Variants in UNC13C observed in about 807,000 individuals in gnomAD.
UNC13C encodes the protein protein unc-13 homolog C.
UNC13C carries 174 observed loss-of-function variants against 245.4 expected under a neutral mutation model. The ratio of observed to expected loss-of-function variants is 0.71; its 90% CI spans 0.63 to 0.80. The LOEUF is 0.80. UNC13C is among the 30% of genes least tolerant of loss of function. The pLI is 0.00. For synonymous variants in UNC13C, 992 were observed against 895.1 expected (o/e 1.11, Z -1.93); for missense variants, 2,829 against 2,602.9 (o/e 1.09, Z -1.89).
At chr15:53,886,165 ACCTTAGT>A in the UNC13C span, among the ~76,000 whole-genome samples, 1 of 152,192 alleles carries the variant, frequency 6.6e-6, no homozygotes, top group Non-Finnish European at 1.5e-5. Context: ...AAGAAATGAC[ACCTTAGT>A]ACCAACAAGC....
At chr15:54,376,950 C>G (rs902053393) in intron 17 of UNC13C, among the ~76,000 whole-genome samples, 8 of 152,114 alleles carry the variant, frequency 5.3e-5, no homozygotes, top group African/African-American at 1.7e-4. Context: ...AGAATAGGCC[C>G]TAGATCCAAT....
At chr15:54,396,456 G>C (rs144287454) in intron 18 of UNC13C, among the ~76,000 whole-genome samples, 2 of 151,420 alleles carry the variant, frequency 1.3e-5, no homozygotes, top group Non-Finnish European at 1.5e-5. Flanking sequence ...CCATGTTATT[G>C]TATGTTTCTT....
chr15:54,018,022 C>T (rs1332282445), intron 2 of UNC13C, among the ~76,000 whole-genome samples: 2 of 152,144 alleles, frequency 1.3e-5, no homozygotes, highest in Admixed American at 1.3e-4. Flanking sequence ...ACCCAGGAAG[C>T]TGCGGTAGCC....
At chr15:53,932,099 A>T in the UNC13C span, among the ~76,000 whole-genome samples, 1 of 152,128 alleles carries the variant, frequency 6.6e-6, no homozygotes, top group Non-Finnish European at 1.5e-5. Flanking sequence ...TCATAAAGTC[A>T]AGAGATTGAG....
At chr15:54,233,624 G>T (rs2035610662) in intron 4 of UNC13C, among the ~76,000 whole-genome samples, 1 of 152,118 alleles carries the variant, frequency 6.6e-6, no homozygotes, top group South Asian at 2.1e-4. Flanking sequence ...CATGTTAGTA[G>T]TAGTGGATAA....
intron 17 of UNC13C, among the ~76,000 whole-genome samples, chr15:54,381,758 A>T (rs2039729387): frequency 6.6e-6 from 1 of 152,166 alleles, no homozygotes; most frequent in African/African-American, 2.4e-5. Flanking sequence ...ATATCTAAAA[A>T]ATCTAAAAAT....
chr15:53,929,128 A>C, the UNC13C span, among the ~76,000 whole-genome samples: 3 of 152,216 alleles, frequency 2.0e-5, no homozygotes, highest in African/African-American at 7.2e-5. Context: ...GCAGAAGGCA[A>C]AGGAAAGCGA....
chr15:54,406,987 T>C (rs1431812330), intron 18 of UNC13C, among the ~76,000 whole-genome samples: 1 of 152,090 alleles, frequency 6.6e-6, no homozygotes, highest in Non-Finnish European at 1.5e-5. Context: ...TAGGGGTAGC[T>C]AGATTATTCA....
At chr15:53,938,155 C>G in the UNC13C span, among the ~76,000 whole-genome samples, 1 of 151,476 alleles carries the variant, frequency 6.6e-6, no homozygotes, top group Non-Finnish European at 1.5e-5. Flanking sequence ...TGTGCAAAGA[C>G]ACACATAATA....
At chr15:54,132,203 T>G (rs1386412958) in intron 2 of UNC13C, among the ~76,000 whole-genome samples, 1 of 151,814 alleles carries the variant, frequency 6.6e-6, no homozygotes, top group African/African-American at 2.4e-5. Context: ...CCTGAGTAGC[T>G]GGGACTACAG....
At chr15:54,153,789 C>G (rs2032626959) in intron 4 of UNC13C, among the ~76,000 whole-genome samples, 1 of 151,710 alleles carries the variant, frequency 6.6e-6, no homozygotes, top group Non-Finnish European at 1.5e-5. Context: ...AAAAATATGG[C>G]CTAGATAAAC....
chr15:54,501,739 A>G (rs1251964172), intron 22 of UNC13C, among the ~76,000 whole-genome samples: 2 of 152,144 alleles, frequency 1.3e-5, no homozygotes, highest in African/African-American at 4.8e-5. Flanking sequence ...TGAGAGCCGA[A>G]ATAGACAGAG....
the UNC13C span, among the ~76,000 whole-genome samples, chr15:53,896,545 A>T: frequency 1.3e-5 from 2 of 152,058 alleles, no homozygotes; most frequent in Non-Finnish European, 2.9e-5. Flanking sequence ...AATACATGGG[A>T]TGGTGAAGTG....
intron 4 of UNC13C, among the ~76,000 whole-genome samples, chr15:54,152,738 C>T (rs1490477883): frequency 6.6e-6 from 1 of 151,976 alleles, no homozygotes; most frequent in Non-Finnish European, 1.5e-5. Context: ...TGAAAATAAC[C>T]CCACTAAATA....
In UNC13C at chr15:54,015,470, C is replaced by G; in HGVS notation, c.2567C>G (p.Pro856Arg). 1 of 1,613,342 alleles carries G rather than the reference C, an allele frequency of 6.2e-7. No individual in the cohort carries two copies. Among genetic ancestry groups the G allele is most frequent in the African/African-American group, 1.3e-5 (1 of 74,970 alleles). The part of the protein sequence containing the change: ...TTLDSDVYTE[P>R]YYYKAEDEED... ...CTTGACTCTGATGTCTACACGGAGC[C>G]CTATTACTATAAAGCAGAGGATGAG... The change falls in exon 2 of 33, where the codon CCC becomes CGC. Residue 856 changes from proline (P) to arginine (R), a missense_variant. By Grantham distance (103) the Pro-to-Arg change is moderately radical. Transcript: ENST00000260323.
chr15:54,559,660 T>C (rs548812528), intron 29 of UNC13C, among the ~76,000 whole-genome samples: 1 of 151,850 alleles, frequency 6.6e-6, no homozygotes, highest in Admixed American at 6.6e-5. Context: ...GGGTGATGAA[T>C]TTTCTCTGAA....
chr15:54,200,520 C>T (rs1283591014), intron 4 of UNC13C, among the ~76,000 whole-genome samples: 1 of 151,856 alleles, frequency 6.6e-6, no homozygotes, highest in African/African-American at 2.4e-5. Context: ...AAGAAAGGAA[C>T]CCTCAAAACC....
chr15:53,996,462 C>T (rs935390349), intron 1 of UNC13C, among the ~76,000 whole-genome samples: 4 of 152,004 alleles, frequency 2.6e-5, no homozygotes, highest in African/African-American at 4.8e-5. Flanking sequence ...TGTATATATT[C>T]GTATTTTATT....
chr15:54,352,937 A>G (rs372295364), intron 17 of UNC13C, among the ~76,000 whole-genome samples: 7 of 152,254 alleles, frequency 4.6e-5, no homozygotes, highest in African/African-American at 1.7e-4. Flanking sequence ...AATTTTATCT[A>G]TTGAAAAATT....
Sources: gnomAD v4.1 joint callset for allele counts (sites outside exome capture counted in the v4.1 genomes callset) on GRCh38, gnomAD v4.1.1 for gene constraint, MANE v1.5 for transcripts, NCBI Gene and HGNC (gene_info 2026-07-23, HGNC 2026-07-21) for gene names.